Variants in PCDHA8 observed in about 807,000 individuals in gnomAD.
PCDHA8 encodes the protein protocadherin alpha 8.
In PCDHA8, 53 loss-of-function variants were observed where a neutral mutation model predicts 61.8. The observed-to-expected ratio is 0.86, with a 90% CI of 0.69 to 1.08. PCDHA8 has a LOEUF of 1.08. Among genes scored for constraint, PCDHA8 ranks in the 50% least tolerant of loss-of-function variants. The pLI, the probability that PCDHA8 is intolerant of heterozygous loss-of-function variation, is 0.00. For missense variants in PCDHA8, 1,293 were observed against 1,245.0 expected (o/e 1.04, Z -0.58); for synonymous variants, 618 against 556.6 (o/e 1.11, Z -1.55).
intron 1 of PCDHA8, chr5:140,864,231 T>G (rs949424981): frequency 2.0e-5 from 3 of 152,222 alleles, no homozygotes; most frequent in Non-Finnish European, 4.4e-5. Flanking sequence ...AAGCAAGTTC[T>G]TTATTCCTAT....
chr5:140,843,055 C>G lies in PCDHA8; in HGVS notation c.1734C>G (p.Ser578Arg), dbSNP rs2150351247. 2.5e-6 allele frequency: 4 copies of G among 1,594,954 alleles called. No homozygotes were observed. In the African/African-American group the frequency reaches 4.0e-5, roughly 16 times the overall value. Reference protein sequence around the residue: ...PRVGGTGGAASKLVPRSVGAG... With the variant: ...PRVGGTGGAARKLVPRSVGAG... Reference sequence around the variant, plus strand: ...TGGGTGGCACTGGTGGCGCAGCGAGCAAGCTGGTGCCGCGGTCTGTGGGCG... The same window carrying G: ...TGGGTGGCACTGGTGGCGCAGCGAGGAAGCTGGTGCCGCGGTCTGTGGGCG... Residue 578 changes from serine (S) to arginine (R), a missense_variant, in exon 1 of 4, where the codon AGC becomes AGG. Transcript: ENST00000531613.
At chr5:141,000,011 C>T (rs548995159) in intron 3 of PCDHA8, among the ~76,000 whole-genome samples, 1 of 152,166 alleles carries the variant, frequency 6.6e-6, no homozygotes, top group East Asian at 1.9e-4. Flanking sequence ...TTGGCCTCCC[C>T]ATTGCTAAGC....
rs112292443 is a variant in PCDHA8 at position 140,899,661 on chromosome 5, C to T, written c.2394+55946C>T. Among the ~76,000 whole-genome samples the T allele has an allele frequency of 4.4e-3, 665 of 152,224 alleles. 7 individuals carry two copies. Among genetic ancestry groups the T allele is most frequent in the African/African-American group, 0.015 (620 of 41,530 alleles). ...ATTCTCTTATTTGGTTGTGTCTCTGCCCGGCTTTGGTATCAGGATGATGCT... is the reference window on the plus strand; with the variant it reads ...ATTCTCTTATTTGGTTGTGTCTCTGTCCGGCTTTGGTATCAGGATGATGCT... On this transcript the variant is annotated intron_variant, in intron 1 of 3. Transcript: ENST00000531613.
At chr5:140,956,784 G>T (rs549737881) in intron 1 of PCDHA8, among the ~76,000 whole-genome samples, 373 of 152,090 alleles carry the variant, frequency 2.5e-3, no homozygotes, top group Non-Finnish European at 3.7e-3. Flanking sequence ...CCTGGGCTTT[G>T]TTTGCTTGGT....
At chr5:140,984,942 A>C (rs1263555467) in intron 3 of PCDHA8, among the ~76,000 whole-genome samples, 1 of 151,954 alleles carries the variant, frequency 6.6e-6, no homozygotes, top group Admixed American at 6.6e-5. Context: ...ATAAATGTCT[A>C]ATCTTTTTTT....
At position 140,852,925 on chromosome 5, in the gene PCDHA8, C is replaced by G. The variant is rs2150525482; in HGVS notation, c.2394+9210C>G. 94 of 702,082 alleles carry G rather than the reference C, an allele frequency of 1.3e-4. 5 individuals are homozygous for G. The South Asian group carries it at 4.5e-3, about 34-fold the overall frequency. The allele number at this position is 702,082 out of a possible 1,614,324, so 43.5% of individuals were successfully genotyped here. On this transcript the variant is annotated intron_variant, in intron 1 of 3. Coordinates refer to ENST00000531613, the MANE Select transcript of PCDHA8 (RefSeq NM_018911.3). ...TCAGAGTCTCGCTCTGTTGCCCAGG[C>G]TGGAGTGCAGTGGTGCCATCTTGGC...
chr5:140,871,343 G>A (rs782701070), intron 1 of PCDHA8: 3 of 1,614,194 alleles, frequency 1.9e-6, no homozygotes, highest in East Asian at 2.2e-5. Context: ...GTGGGGAGCT[G>A]GTCATACTCG....
chr5:140,847,677 T>A (rs1554141874), intron 1 of PCDHA8: 1 of 149,738 alleles, frequency 6.7e-6, no homozygotes, highest in African/African-American at 2.4e-5. Flanking sequence ...TTGGAAAGAA[T>A]CAAAACAACA....
At position 140,875,993 on chromosome 5, in the gene PCDHA8, T is replaced by G. The variant is rs574636926; in HGVS notation, c.2394+32278T>G. On this transcript the variant is annotated intron_variant, in intron 1 of 3. Coordinates refer to ENST00000531613, the MANE Select transcript of PCDHA8 (RefSeq NM_018911.3). The stretch of plus-strand genomic sequence containing the variant: ...TCTCTTTTGACCTATGCGTTAAGTC[T>G]AAATGAGAATTTTGAGCTTAAAATA... The G allele has an allele frequency of 3.5e-4, 564 of 1,613,988 alleles. 6 individuals are homozygous for G. In the South Asian group the frequency reaches 5.9e-3, roughly 17 times the overall value.
At chr5:140,908,578 G>C (rs2074039304) in intron 1 of PCDHA8, among the ~76,000 whole-genome samples, 1 of 152,196 alleles carries the variant, frequency 6.6e-6, no homozygotes, top group South Asian at 2.1e-4. Flanking sequence ...CAAAAGGAGA[G>C]TAGTTAGCTG....
intron 1 of PCDHA8, among the ~76,000 whole-genome samples, chr5:140,937,106 C>G (rs2091337574): frequency 6.7e-6 from 1 of 149,110 alleles, no homozygotes; most frequent in African/African-American, 2.5e-5. Context: ...GGCGCAGTCT[C>G]GGCTCACTGC....
chr5:140,926,805 G>A, intron 1 of PCDHA8: 2 of 1,452,468 alleles, frequency 1.4e-6, no homozygotes, highest in Non-Finnish European at 9.0e-7. Flanking sequence ...GCTCTTCCCC[G>A]CGGCTCGTGC....
chr5:140,869,501 T>A (rs200485559), intron 1 of PCDHA8: 1 of 1,614,192 alleles, frequency 6.2e-7, no homozygotes, highest in Admixed American at 1.7e-5. Flanking sequence ...CCGCCGGTGT[T>A]CTCGCTCAGA....
chr5:140,962,028 C>T (rs1046578713), intron 1 of PCDHA8, among the ~76,000 whole-genome samples: 81 of 152,150 alleles, frequency 5.3e-4, no homozygotes, highest in African/African-American at 1.8e-3. Context: ...GGACTACAGG[C>T]ACCCACCACC....
intron 1 of PCDHA8, among the ~76,000 whole-genome samples, chr5:140,846,989 C>CG (rs1310758236): frequency 2.0e-5 from 3 of 149,196 alleles, no homozygotes; most frequent in African/African-American, 7.4e-5. Context: ...AAGTTCCCCC[C>CG]GGGAGAATAT....
At chr5:140,858,190 G>T in intron 1 of PCDHA8, 1 of 1,597,502 alleles carries the variant, frequency 6.3e-7, no homozygotes, top group Admixed American at 1.7e-5. Context: ...TCACGCTGCT[G>T]CTGTACACTG....
At chr5:140,898,797 C>T (rs1210404780) in intron 1 of PCDHA8, among the ~76,000 whole-genome samples, 7 of 152,160 alleles carry the variant, frequency 4.6e-5, no homozygotes, top group East Asian at 1.9e-4. Context: ...GCCATTTTCA[C>T]GATACTGATT....
At chr5:140,944,839 G>C (rs1449491788) in intron 1 of PCDHA8, among the ~76,000 whole-genome samples, 3 of 152,130 alleles carry the variant, frequency 2.0e-5, no homozygotes, top group African/African-American at 7.2e-5. Flanking sequence ...TGTAAAATGA[G>C]ATATTAGAAT....
chr5:140,883,915 G>A, intron 1 of PCDHA8: 1 of 1,613,348 alleles, frequency 6.2e-7, no homozygotes, highest in Non-Finnish European at 8.5e-7. Context: ...GCAGCAACGT[G>A]ACGCTGCAGG....
Sources: gnomAD v4.1 joint callset for allele counts (sites outside exome capture counted in the v4.1 genomes callset) on GRCh38, gnomAD v4.1.1 for gene constraint, MANE v1.5 for transcripts, NCBI Gene and HGNC (gene_info 2026-07-23, HGNC 2026-07-21) for gene names.